Variants in NCOA2 observed in about 807,000 individuals in gnomAD.
NCOA2 encodes class E basic helix-loop-helix protein 75.
Under a neutral mutation model 145.1 loss-of-function variants are expected in NCOA2, and 21 were observed. The ratio of observed to expected loss-of-function variants is 0.14; its 90% confidence interval spans 0.10 to 0.21. NCOA2 has a LOEUF of 0.21. Among genes scored for constraint, NCOA2 ranks in the 10% least tolerant of loss-of-function variants. NCOA2 has a pLI of 1.00. For synonymous variants in NCOA2, 619 were observed against 637.5 expected, an observed-to-expected ratio of 0.97 and a Z score of 0.44; for missense variants, 1,472 against 1,837.6, an observed-to-expected ratio of 0.80 and a Z score of 3.64.
intron 4 of NCOA2, among the ~76,000 whole-genome samples, chr8:70,196,221 C>G (rs1817293766): frequency 6.6e-6 from 1 of 151,962 alleles, no homozygotes; most frequent in African/African-American, 2.4e-5. Flanking sequence ...ACTAAAGATA[C>G]AAAAATTAGC....
intron 11 of NCOA2, among the ~76,000 whole-genome samples, chr8:70,150,332 G>A (rs2132067288): frequency 6.6e-6 from 1 of 152,302 alleles, no homozygotes; most frequent in East Asian, 1.9e-4. Flanking sequence ...CTGTAGGAAG[G>A]CACCGCACTG....
chr8:70,280,330 T>C (rs2135457384), intron 2 of NCOA2, among the ~76,000 whole-genome samples: 1 of 152,248 alleles, frequency 6.6e-6, no homozygotes, highest in African/African-American at 2.4e-5. Flanking sequence ...ATGGGGAAAA[T>C]GATAAAAGAC....
chr8:70,160,682 G>GGA lies in NCOA2; in HGVS notation c.977-1032_977-1031dup, dbSNP rs57991576. On this transcript the variant is annotated intron_variant, in intron 9 of 22. Transcript: ENST00000452400. ...GACAGAGAGAGAGAGAGAGAGAGAG[G>GGA]GAGAGAGAGAGAGAGAGAGACTGAC... 1.0e-3 allele frequency among the ~76,000 whole-genome samples: 60 copies of GGA among 58,364 alleles called. 1 individual carries two copies. The highest frequency in any genetic ancestry group is 0.017 in the Middle Eastern group (2 of 118). 38.3% of individuals were successfully genotyped at this position (58,364 alleles called of 152,430 possible).
chr8:70,140,049 TA>T (rs1281738391), intron 14 of NCOA2, among the ~76,000 whole-genome samples: 1 of 152,192 alleles, frequency 6.6e-6, no homozygotes, highest in East Asian at 1.9e-4. Context: ...ATAAAGGAAA[TA>T]ATCTCAAGTA....
intron 1 of NCOA2, among the ~76,000 whole-genome samples, chr8:70,304,331 G>A (rs1355422857): frequency 6.6e-6 from 1 of 152,170 alleles, no homozygotes; most frequent in African/African-American, 2.4e-5. Flanking sequence ...ATGCTACACA[G>A]GTTTGTAGCC....
intron 2 of NCOA2, among the ~76,000 whole-genome samples, chr8:70,261,918 G>C (rs1824169008): frequency 6.6e-6 from 1 of 151,996 alleles, no homozygotes; most frequent in South Asian, 2.1e-4. Context: ...CCAGATGAGG[G>C]GGGAAAAGTG....
At chr8:70,141,098 A>G in intron 14 of NCOA2, 86 bp downstream of exon 14, 2 of 1,317,808 alleles carry the variant, frequency 1.5e-6, no homozygotes, top group Non-Finnish European at 2.1e-6. Flanking sequence ...AATGCCCATA[A>G]GAAGCATGTC....
At chr8:70,426,822 A>G in the NCOA2 span, among the ~76,000 whole-genome samples, 14,550 of 152,242 alleles carry the variant, frequency 0.096, 951 homozygotes, top group Middle Eastern at 0.21. Flanking sequence ...GTTTTTAGAG[A>G]CAGGGTCTTG....
chr8:70,402,233 G>C (rs1391511439), intron 1 of NCOA2: 1 of 152,408 alleles, frequency 6.6e-6, no homozygotes, highest in African/African-American at 2.4e-5. Flanking sequence ...ACCGAGATTC[G>C]GGTCGGTGGG....
intron 2 of NCOA2, among the ~76,000 whole-genome samples, chr8:70,259,684 TTA>T (rs1491327198): frequency 1.3e-5 from 2 of 152,190 alleles, no homozygotes; most frequent in Non-Finnish European, 1.5e-5. Context: ...GAAATAGAAT[TTA>T]GAGTCTTAGA....
At chr8:70,446,175 C>T in the NCOA2 span, among the ~76,000 whole-genome samples, 3 of 152,176 alleles carry the variant, frequency 2.0e-5, no homozygotes, top group East Asian at 3.8e-4. Flanking sequence ...CACATTGCTA[C>T]TTCTGCTCCT....
chr8:70,295,606 T>C (rs1430842379), intron 2 of NCOA2, among the ~76,000 whole-genome samples: 5 of 152,210 alleles, frequency 3.3e-5, no homozygotes, highest in Non-Finnish European at 7.3e-5. Flanking sequence ...TTAAGAGCTA[T>C]ATACCTTAAG....
intron 1 of NCOA2, among the ~76,000 whole-genome samples, chr8:70,312,047 G>A (rs137909515): frequency 1.1e-4 from 16 of 152,290 alleles, no homozygotes; most frequent in African/African-American, 3.6e-4. Flanking sequence ...AATGCCTAAA[G>A]GGAGGCTGAG....
chr8:70,247,665 G>C (rs899771953), intron 2 of NCOA2, among the ~76,000 whole-genome samples: 1 of 152,172 alleles, frequency 6.6e-6, no homozygotes, highest in Admixed American at 6.5e-5. Context: ...TGAAACCTTT[G>C]GCAATCTTAT....
Position 70,156,812 on chromosome 8 carries a change from C to A in NCOA2, c.1553G>T (p.Gly518Val). 6.2e-7 allele frequency: 1 copy of A among 1,613,994 alleles called. No individual in the cohort carries two copies. The highest frequency in any genetic ancestry group is 8.5e-7 in the Non-Finnish European group (1 of 1,179,880). Reference protein sequence around the residue: ...SPAGSLHSPVGVCSSTGNSHS... With the variant: ...SPAGSLHSPVVVCSSTGNSHS... The stretch of plus-strand genomic sequence containing the variant: ...GCTATTTCCTGTGCTGCTGCAAACT[C>A]CCACAGGGGAATGCAAGCTTCCTGC... Residue 518 changes from glycine to valine, a missense_variant, in exon 11 of 23, where the codon GGA becomes GTA. By Grantham distance (109) the Gly-to-Val change is moderately radical (BLOSUM62 -3). Transcript: ENST00000452400.
chr8:70,382,391 G>A (rs1812279784), intron 1 of NCOA2, among the ~76,000 whole-genome samples: 1 of 152,124 alleles, frequency 6.6e-6, no homozygotes, highest in African/African-American at 2.4e-5. Context: ...GTTTAGCATA[G>A]TGTAAGGCTT....
chr8:70,254,845 G>C (rs1823506878), intron 2 of NCOA2, among the ~76,000 whole-genome samples: 1 of 152,128 alleles, frequency 6.6e-6, no homozygotes, highest in Non-Finnish European at 1.5e-5. Flanking sequence ...ATACATTTAA[G>C]AATGGTTAAA....
chr8:70,248,525 C>T (rs571989829), intron 2 of NCOA2, among the ~76,000 whole-genome samples: 7 of 152,260 alleles, frequency 4.6e-5, no homozygotes, highest in African/African-American at 7.2e-5. Context: ...GCTTTCGAGA[C>T]GCATCCATAT....
chr8:70,249,546 CTA>C (rs1469216077), intron 2 of NCOA2, among the ~76,000 whole-genome samples: 2 of 152,022 alleles, frequency 1.3e-5, no homozygotes, highest in Non-Finnish European at 2.9e-5. Flanking sequence ...TGTGAAGAGT[CTA>C]TGAATTATAT....
Sources: allele counts gnomAD v4.1 joint callset (sites outside exome capture counted in the v4.1 genomes callset), GRCh38; gene constraint gnomAD v4.1.1; transcripts MANE v1.5; gene names NCBI Gene and HGNC (gene_info 2026-07-23, HGNC 2026-07-21).